Variants in OLFM4 observed in about 807,000 individuals in gnomAD.
OLFM4 encodes olfactomedin 4.
In OLFM4, 22 loss-of-function variants were observed where a neutral mutation model predicts 25.5. The ratio of observed to expected loss-of-function variants is 0.86; its 90% CI spans 0.62 to 1.23. The LOEUF (loss-of-function observed/expected upper bound fraction) is 1.23. OLFM4 is among the 50% of genes most tolerant of loss of function. The probability of loss-of-function intolerance (pLI) is 0.00; values close to 1 mark genes in which losing one functional copy is unlikely to be tolerated. For missense variants in OLFM4, 594 were observed against 619.4 expected (o/e 0.96, Z 0.44); for synonymous variants, 255 against 237.7 (o/e 1.07, Z -0.67).
Position 53,034,380 on chromosome 13 carries a change from C to A in OLFM4, c.237C>A (p.Asp79Glu), listed in dbSNP as rs1262928642. The change falls in exon 2 of 5, where the codon GAC becomes GAA. Residue 79 changes from aspartate to glutamate, a missense_variant. Physicochemically the swap from Asp to Glu is conservative, Grantham distance 45. Coordinates refer to ENST00000219022, the MANE Select transcript of OLFM4 (RefSeq NM_006418.5). The stretch of plus-strand genomic sequence containing the variant: ...CCAATTTCACCGGCTCCGTGGATGA[C>A]CGTGGGACCTGCCAGTGCTCTGTTT... ...LFSNFTGSVD[D>E]RGTCQCSVSL... The A allele has an allele frequency of 3.1e-6, 5 of 1,613,960 alleles. No individual in the cohort carries two copies. Among genetic ancestry groups the A allele is most frequent in the Non-Finnish European group, 4.2e-6 (5 of 1,179,964 alleles).
At chr13:53,036,746 A>G (rs1234162721) in intron 2 of OLFM4, among the ~76,000 whole-genome samples, 2 of 152,184 alleles carry the variant, frequency 1.3e-5, no homozygotes, top group Non-Finnish European at 2.9e-5. Flanking sequence ...GCTTTTTCAA[A>G]TGCTTCCAGT....
At position 53,050,088 on chromosome 13, in the gene OLFM4, A is replaced by G. The variant is rs776941577; in HGVS notation, c.850A>G (p.Asn284Asp). ...WGRDYSPQHP[N>D]KGLYWVAPLN... is the part of the protein sequence containing the mutation. The stretch of plus-strand genomic sequence containing the variant: ...TAGGGATTACTCTCCCCAGCATCCA[A>G]ACAAAGGACTGTATTGGGTGGCGCC... Residue 284 changes from asparagine to aspartate, a missense_variant, in exon 5 of 5, where the codon AAC (asparagine) becomes GAC (aspartate). Asn to Asp is a conservative substitution (Grantham distance 23, BLOSUM62 1). Transcript: ENST00000219022. 6.2e-7 allele frequency: 1 copy of G among 1,613,992 alleles called. No individual in the cohort carries two copies. Among genetic ancestry groups the G allele is most frequent in the African/African-American group, 1.3e-5 (1 of 74,994 alleles).
At chr13:53,036,217 A>C (rs1262138474) in intron 2 of OLFM4, among the ~76,000 whole-genome samples, 2 of 152,232 alleles carry the variant, frequency 1.3e-5, no homozygotes, top group African/African-American at 4.8e-5. Flanking sequence ...AATGTCCTTG[A>C]ATTAATCAGT....
chr13:53,032,049 T>TGTCA (rs1450876444), intron 1 of OLFM4, among the ~76,000 whole-genome samples: 1 of 152,208 alleles, frequency 6.6e-6, no homozygotes, highest in African/African-American at 2.4e-5. Context: ...CAGCTGAGCA[T>TGTCA]GCTGGGCTGA....
chr13:53,039,933 A>G (rs1232144061), intron 2 of OLFM4, among the ~76,000 whole-genome samples: 1 of 152,126 alleles, frequency 6.6e-6, no homozygotes, highest in Non-Finnish European at 1.5e-5. Context: ...AATTTGCACA[A>G]TGGGGTTAAG....
chr13:53,044,182 T>A (rs1954703255), intron 4 of OLFM4, among the ~76,000 whole-genome samples: 1 of 152,196 alleles, frequency 6.6e-6, no homozygotes, highest in Non-Finnish European at 1.5e-5. Flanking sequence ...ATGGATATTG[T>A]TAATAATGTT....
chr13:53,045,515 C>T (rs1018962617), intron 4 of OLFM4, among the ~76,000 whole-genome samples: 2 of 152,102 alleles, frequency 1.3e-5, no homozygotes, highest in African/African-American at 4.8e-5. Context: ...TGGAAAATCC[C>T]CAAGCACCAC....
At chr13:53,042,379 C>T (rs1954692529) in intron 3 of OLFM4, among the ~76,000 whole-genome samples, 1 of 152,206 alleles carries the variant, frequency 6.6e-6, no homozygotes, top group Admixed American at 6.5e-5. Context: ...ATAAAATGCC[C>T]TTTCAACTTC....
chr13:53,028,991 C>T lies in OLFM4; in HGVS notation c.155C>T (p.Ser52Leu), dbSNP rs370535001. The change falls in exon 1 of 5, where the codon TCG becomes TTG. Residue 52 changes from serine (S) to leucine (L), a missense_variant. Physicochemically the swap from Ser to Leu is moderately radical, Grantham distance 145. Transcript: ENST00000219022. ...SSSSFSSSSR[S>L]GSSSSRSLGS... is the part of the protein sequence containing the mutation. ...TCCAGCTTCAGCTCCAGCTCCAGGT[C>T]GGGCTCCAGCTCCAGCCGCAGCTTA... 1.4e-5 allele frequency: 23 copies of T among 1,614,126 alleles called. No homozygotes were observed. The highest frequency in any genetic ancestry group is 4.5e-5 in the East Asian group (2 of 44,868).
In OLFM4 at chr13:53,043,134, G is replaced by A. The variant is rs1593481061; in HGVS notation, c.600G>A (p.Lys200=). The change falls in exon 4 of 5, where the codon AAG becomes AAA. Residue 200 remains lysine, a synonymous_variant. Transcript: ENST00000219022. ...GAAATATGACTCTCTTGGTAGAGAA[G>A]CTTGAGACACTAGACAAAAACAATG... The part of the protein sequence containing the change: ...EIRNMTLLVE[K]LETLDKNNVL... 6 of 1,610,960 alleles carry A rather than the reference G, an allele frequency of 3.7e-6. No individual in the cohort carries two copies. The highest frequency in any genetic ancestry group is 5.1e-6 in the Non-Finnish European group (6 of 1,178,876).
At chr13:53,032,403 C>T (rs925345799) in intron 1 of OLFM4, among the ~76,000 whole-genome samples, 1 of 152,002 alleles carries the variant, frequency 6.6e-6, no homozygotes, top group Non-Finnish European at 1.5e-5. Flanking sequence ...CTTGATATGT[C>T]GGTCTTTTCT....
At chr13:53,029,779 G>A (rs1418725830) in intron 1 of OLFM4, among the ~76,000 whole-genome samples, 2 of 152,176 alleles carry the variant, frequency 1.3e-5, no homozygotes, top group East Asian at 1.9e-4. Flanking sequence ...CAAAAGTCAT[G>A]CATTACAACG....
Position 53,050,149 on chromosome 13 carries a change from G to C in OLFM4, c.911G>C (p.Arg304Thr), listed in dbSNP as rs1443866893. 6.2e-7 allele frequency: 1 copy of C among 1,613,972 alleles called. No homozygotes were observed. The change falls in exon 5 of 5, where the codon AGA becomes ACA. Residue 304 changes from arginine (R) to threonine (T), a missense_variant. Arg to Thr is a moderately conservative substitution (Grantham distance 71, BLOSUM62 -1). Coordinates refer to ENST00000219022, the MANE Select transcript of OLFM4 (RefSeq NM_006418.5). Reference protein sequence around the residue: ...NTDGRLLEYYRLYNTLDDLLL... With the variant: ...NTDGRLLEYYTLYNTLDDLLL... ...GATGGGAGACTGTTGGAGTATTATA[G>C]ACTGTACAACACACTGGATGATTTG...
chr13:53,041,387 A>G (rs1026865946), intron 2 of OLFM4, among the ~76,000 whole-genome samples: 1 of 152,148 alleles, frequency 6.6e-6, no homozygotes, highest in Non-Finnish European at 1.5e-5. Flanking sequence ...AAAACCAAAT[A>G]CCACATGTTC....
At chr13:53,049,356 A>G (rs528974851) in intron 4 of OLFM4, among the ~76,000 whole-genome samples, 56 of 152,256 alleles carry the variant, frequency 3.7e-4, no homozygotes, top group African/African-American at 1.3e-3. Flanking sequence ...AAAATGCTAT[A>G]TTTAAAACAT....
chr13:53,041,327 TGGATAGAGAGCTGGAAGCCATTCTC>T (rs1593480324), intron 2 of OLFM4, among the ~76,000 whole-genome samples: 1 of 152,248 alleles, frequency 6.6e-6, no homozygotes, highest in East Asian at 1.9e-4. Flanking sequence ...TGTAGGAACA[TGGATAGAGAGCTGGAAGCCATTCTC>T]CGAAGCAAAT....
chr13:53,034,561 A>T (rs1207359873), intron 2 of OLFM4, 61 bp downstream of exon 2: 3 of 1,425,246 alleles, frequency 2.1e-6, no homozygotes, highest in African/African-American at 2.9e-5. Flanking sequence ...ATGTGTTTTA[A>T]TTTAGGATTT....
At chr13:53,037,501 T>C (rs1225418488) in intron 2 of OLFM4, among the ~76,000 whole-genome samples, 2 of 152,230 alleles carry the variant, frequency 1.3e-5, no homozygotes, top group Non-Finnish European at 2.9e-5. Context: ...AATGCTGAAA[T>C]TACTGTTTCT....
At chr13:53,031,937 C>CAG (rs1188859000) in intron 1 of OLFM4, among the ~76,000 whole-genome samples, 1 of 152,228 alleles carries the variant, frequency 6.6e-6, no homozygotes, top group Admixed American at 6.5e-5. Flanking sequence ...GCATTCACCG[C>CAG]AGAGAGAGAC....
Sources: allele counts gnomAD v4.1 joint callset (sites outside exome capture counted in the v4.1 genomes callset), GRCh38; gene constraint gnomAD v4.1.1; transcripts MANE v1.5; gene names NCBI Gene and HGNC (gene_info 2026-07-23, HGNC 2026-07-21).